Variants in PAM observed in about 807,000 individuals in gnomAD.
The protein encoded by PAM is peptidylglycine alpha-amidating monooxygenase.
A neutral mutation model predicts 122.1 loss-of-function variants in PAM; 72 were observed. The observed-to-expected ratio is 0.59, with a 90% CI of 0.49 to 0.72. PAM has a LOEUF of 0.72. PAM is among the 30% of genes least tolerant of loss of function. PAM has a pLI of 0.00. For synonymous variants in PAM, 389 were observed against 404.4 expected (o/e 0.96, Z 0.46); for missense variants, 1,106 against 1,183.7 (o/e 0.93, Z 0.96).
intron 1 of PAM, among the ~76,000 whole-genome samples, chr5:102,816,434 A>G (rs980152480): frequency 6.6e-6 from 1 of 152,110 alleles, no homozygotes; most frequent in African/African-American, 2.4e-5. Flanking sequence ...CCTTAGTAGC[A>G]AAACTGCTCA....
intron 1 of PAM, among the ~76,000 whole-genome samples, chr5:102,815,236 G>T (rs896812211): frequency 2.4e-4 from 36 of 152,138 alleles, no homozygotes; most frequent in Admixed American, 2.0e-3. Context: ...CAGAAGGAAA[G>T]GATGTTGTTG....
chr5:102,837,097 T>G (rs1777304012), intron 1 of PAM, among the ~76,000 whole-genome samples: 1 of 152,184 alleles, frequency 6.6e-6, no homozygotes. Flanking sequence ...CTTTTACCTC[T>G]TCTCCCTCCC....
intron 3 of PAM, among the ~76,000 whole-genome samples, chr5:102,886,594 C>G (rs941104158): frequency 2.0e-4 from 30 of 151,994 alleles, no homozygotes; most frequent in Admixed American, 6.6e-5. Flanking sequence ...CTGACCCTCT[C>G]ACAGTGATCT....
intron 1 of PAM, among the ~76,000 whole-genome samples, chr5:102,820,698 T>C (rs1226253226): frequency 2.0e-5 from 3 of 152,188 alleles, no homozygotes; most frequent in African/African-American, 7.2e-5. Context: ...AATGAAATAA[T>C]AATGAAAAAT....
intron 7 of PAM, among the ~76,000 whole-genome samples, chr5:102,930,750 A>G (rs1168876659): frequency 6.6e-6 from 1 of 152,180 alleles, no homozygotes; most frequent in Non-Finnish European, 1.5e-5. Context: ...CCTTATGAAG[A>G]AAGTATGGGG....
intron 1 of PAM, among the ~76,000 whole-genome samples, chr5:102,827,110 GTTC>G (rs1275883347): frequency 6.6e-6 from 1 of 152,182 alleles, no homozygotes; most frequent in Non-Finnish European, 1.5e-5. Context: ...ACTGTTTGTG[GTTC>G]TTCTCTTTGC....
chr5:102,974,117 T>C lies in PAM; in HGVS notation c.1164T>C (p.Gly388=), dbSNP rs1462313928. 2 of 1,608,770 alleles carry C rather than the reference T, an allele frequency of 1.2e-6. No individual in the cohort carries two copies. The highest frequency in any genetic ancestry group is 1.7e-5 in the Admixed American group (1 of 59,724). Residue 388 remains glycine, a splice_region_variant and synonymous_variant, in exon 15 of 26, where the codon GGT becomes GGC. Coordinates refer to ENST00000438793, the MANE Select transcript of PAM (RefSeq NM_001177306.2). Reference sequence around the variant, plus strand: ...TTATCTCTTCTCTTTTTTCCACAGGTGATTTCTATTCACTACTTTCCAAGC... The same window carrying C: ...TTATCTCTTCTCTTTTTTCCACAGGCGATTTCTATTCACTACTTTCCAAGC... ...KREEEEVLDQ[G]DFYSLLSKLL...
chr5:102,882,052 A>AATAT (rs61367764), intron 3 of PAM, among the ~76,000 whole-genome samples: 51 of 62,018 alleles, frequency 8.2e-4, no homozygotes, highest in Non-Finnish European at 1.1e-3. Context: ...TCCATCGTGG[A>AATAT]ATATATATAT....
chr5:102,786,811 A>G (rs778989611), intron 1 of PAM, among the ~76,000 whole-genome samples: 22 of 152,318 alleles, frequency 1.4e-4, no homozygotes, highest in Non-Finnish European at 2.6e-4. Flanking sequence ...AGAAACAAGT[A>G]ACTTACTACT....
chr5:102,819,253 T>A (rs1030966365), intron 1 of PAM, among the ~76,000 whole-genome samples: 1 of 152,132 alleles, frequency 6.6e-6, no homozygotes, highest in Non-Finnish European at 1.5e-5. Flanking sequence ...CCAGAATACA[T>A]TCATTTATGA....
At chr5:102,916,361 TTAA>T (rs2151604616) in intron 5 of PAM, among the ~76,000 whole-genome samples, 1 of 152,226 alleles carries the variant, frequency 6.6e-6, no homozygotes, top group South Asian at 2.1e-4. Context: ...ATTACAATTC[TTAA>T]TAACACTATA....
At chr5:102,874,359 T>G (rs1466809248) in intron 3 of PAM, among the ~76,000 whole-genome samples, 1 of 152,198 alleles carries the variant, frequency 6.6e-6, no homozygotes, top group East Asian at 1.9e-4. Context: ...TTAAAGTCAC[T>G]TGTCATCCAC....
intron 1 of PAM, among the ~76,000 whole-genome samples, chr5:102,843,228 A>G (rs1580828942): frequency 2.0e-5 from 3 of 152,240 alleles, no homozygotes; most frequent in Admixed American, 2.0e-4. Context: ...GAGTATGTAT[A>G]TTTAGTGTAA....
chr5:102,758,068 ATTTTGTTTTTTT>A (rs1240285051), intron 1 of PAM, among the ~76,000 whole-genome samples: 1,183 of 87,496 alleles, frequency 0.014, 40 homozygotes, highest in African/African-American at 0.029. Flanking sequence ...AAGACTTAGA[ATTTTGTTTTTTT>A]TTTTTTTTTT....
intron 12 of PAM, among the ~76,000 whole-genome samples, chr5:102,953,484 T>A (rs545537394): frequency 1.3e-5 from 2 of 152,146 alleles, no homozygotes; most frequent in South Asian, 4.2e-4. Flanking sequence ...TACCACATGA[T>A]CTCACTTATA....
chr5:103,028,884 C>T lies in PAM; in HGVS notation c.2744-3C>T. The stretch of plus-strand genomic sequence containing the variant: ...AATTCTGTTATTGTTTGCTTTTTTT[C>T]AGGAAAGGGAAGTGGAGGCTTAAAC... On this transcript the variant is annotated splice_polypyrimidine_tract_variant and splice_region_variant and intron_variant, in intron 25 of 25. Transcript: ENST00000438793. 1 of 1,588,010 alleles carries T rather than the reference C, an allele frequency of 6.3e-7. No individual in the cohort carries two copies. The highest frequency in any genetic ancestry group is 8.5e-7 in the Non-Finnish European group (1 of 1,170,548).
At chr5:102,921,072 A>G (rs991103810) in intron 5 of PAM, among the ~76,000 whole-genome samples, 4 of 152,118 alleles carry the variant, frequency 2.6e-5, no homozygotes, top group Non-Finnish European at 5.9e-5. Context: ...TTATTTTCAA[A>G]TGTTAATTCT....
intron 4 of PAM, among the ~76,000 whole-genome samples, chr5:102,906,014 G>A (rs974440660): frequency 2.0e-5 from 3 of 151,664 alleles, no homozygotes; most frequent in Non-Finnish European, 3.0e-5. Flanking sequence ...AATCATGAAG[G>A]AGAAGTTGTT....
chr5:102,968,001 G>T (rs1393931082), intron 14 of PAM, among the ~76,000 whole-genome samples: 1 of 152,104 alleles, frequency 6.6e-6, no homozygotes, highest in Non-Finnish European at 1.5e-5. Context: ...GGGATTACAG[G>T]CATGAGCCAC....
Sources: gnomAD v4.1 joint callset for allele counts (sites outside exome capture counted in the v4.1 genomes callset) on GRCh38, gnomAD v4.1.1 for gene constraint, MANE v1.5 for transcripts, NCBI Gene and HGNC (gene_info 2026-07-23, HGNC 2026-07-21) for gene names.